The following RBFOX1 variants were observed in gnomAD, a reference collection of about 807,000 sequenced individuals.
RBFOX1 encodes RNA binding protein fox-1 homolog 1.
A neutral mutation model predicts 57.7 loss-of-function variants in RBFOX1; 8 were observed. That is an observed-to-expected ratio of 0.14 (90% confidence interval 0.08 to 0.25). RBFOX1 has a LOEUF of 0.25. RBFOX1 is among the 10% of genes least tolerant of loss of function. The pLI is 1.00. For missense variants in RBFOX1, 611 were observed against 548.5 expected (o/e 1.11, Z -1.14); for synonymous variants, 326 against 222.4 (o/e 1.47, Z -4.15).
intron 3 of RBFOX1, among the ~76,000 whole-genome samples, chr16:5,754,068 C>G (rs2053310610): frequency 1.3e-5 from 2 of 152,146 alleles, no homozygotes; most frequent in Non-Finnish European, 1.5e-5. Context: ...TAATGCAAAA[C>G]TACCTGCATG....
intron 3 of RBFOX1, among the ~76,000 whole-genome samples, chr16:6,767,284 C>T (rs2077470242): frequency 1.3e-5 from 2 of 152,030 alleles, no homozygotes; most frequent in South Asian, 4.2e-4. Context: ...GAGACTCAGT[C>T]TCAGAACACT....
intron 3 of RBFOX1, among the ~76,000 whole-genome samples, chr16:6,884,034 C>G (rs1327402692): frequency 6.6e-6 from 1 of 152,130 alleles, no homozygotes; most frequent in African/African-American, 2.4e-5. Flanking sequence ...GTTCTTCTGA[C>G]AAACTGATCC....
At chr16:5,795,388 C>G (rs1014299237) in intron 3 of RBFOX1, among the ~76,000 whole-genome samples, 2 of 151,888 alleles carry the variant, frequency 1.3e-5, no homozygotes, top group East Asian at 3.9e-4. Flanking sequence ...ATTGCTGTGT[C>G]AATCTTCTGG....
chr16:5,733,820 C>T (rs573360193), intron 3 of RBFOX1, among the ~76,000 whole-genome samples: 43 of 152,036 alleles, frequency 2.8e-4, no homozygotes, highest in African/African-American at 9.9e-4. Context: ...TTCCCATCCG[C>T]GTCCATGCTG....
chr16:7,496,288 A>G (rs890093249), intron 4 of RBFOX1, among the ~76,000 whole-genome samples: 7 of 152,160 alleles, frequency 4.6e-5, no homozygotes, highest in African/African-American at 1.7e-4. Flanking sequence ...AATTACAGGC[A>G]TGTGCCACCA....
intron 3 of RBFOX1, among the ~76,000 whole-genome samples, chr16:6,958,918 A>G (rs2082386239): frequency 6.6e-6 from 1 of 152,154 alleles, no homozygotes; most frequent in Non-Finnish European, 1.5e-5. Context: ...GACAAGGCGT[A>G]TTCTCCATCC....
At chr16:7,650,228 G>A (rs879923790) in intron 11 of RBFOX1, among the ~76,000 whole-genome samples, 3 of 151,678 alleles carry the variant, frequency 2.0e-5, no homozygotes, top group Non-Finnish European at 4.4e-5. Context: ...AGAGACCACT[G>A]AAAATACCAA....
rs1375995054 is a variant in RBFOX1, at chr16:7,386,233, A to C, written c.28-131914A>C. Among the ~76,000 whole-genome samples the C allele has an allele frequency of 2.0e-5, 3 of 152,094 alleles. No individual in the cohort carries two copies. In the East Asian group the frequency reaches 5.8e-4, roughly 29 times the overall value. The stretch of plus-strand genomic sequence containing the variant: ...CTTTCCTTCTCACTAAAGTGCTTGA[A>C]GTACTGGTCCTTTATGATACTTTCA... On this transcript the variant is annotated intron_variant, in intron 4 of 15. Coordinates refer to ENST00000550418, the MANE Select transcript of RBFOX1 (RefSeq NM_018723.4).
chr16:7,549,035 C>G (rs532443846), intron 5 of RBFOX1, among the ~76,000 whole-genome samples: 11 of 152,208 alleles, frequency 7.2e-5, no homozygotes, highest in African/African-American at 2.6e-4. Context: ...AGGAGAGAAA[C>G]AGAGAAGAGG....
intron 3 of RBFOX1, among the ~76,000 whole-genome samples, chr16:6,860,031 A>G (rs1226594803): frequency 2.0e-5 from 3 of 152,178 alleles, no homozygotes; most frequent in South Asian, 2.1e-4. Flanking sequence ...CCACAAGGGT[A>G]CCTGATGGAA....
At chr16:6,537,736 C>A (rs1037609947) in intron 2 of RBFOX1, among the ~76,000 whole-genome samples, 1 of 152,060 alleles carries the variant, frequency 6.6e-6, no homozygotes, top group Non-Finnish European at 1.5e-5. Flanking sequence ...GGTTTTATAG[C>A]AGATAAGAGA....
At chr16:5,839,697 A>G (rs1010212490) in intron 3 of RBFOX1, among the ~76,000 whole-genome samples, 8 of 150,634 alleles carry the variant, frequency 5.3e-5, no homozygotes, top group Non-Finnish European at 3.0e-5. Context: ...CCTCATCCAC[A>G]TATTTGTAGT....
intron 3 of RBFOX1, among the ~76,000 whole-genome samples, chr16:6,717,185 G>A (rs1346249610): frequency 6.6e-6 from 1 of 152,034 alleles, no homozygotes; most frequent in Non-Finnish European, 1.5e-5. Context: ...TTGTGTTACA[G>A]CAACTCGACT....
chr16:7,579,990 T>A, intron 6 of RBFOX1, 70 bp downstream of exon 6: 1 of 1,530,152 alleles, frequency 6.5e-7, no homozygotes, highest in Non-Finnish European at 9.0e-7. Flanking sequence ...CTCATGTAAG[T>A]TTGGGGTATT....
At chr16:6,711,062 G>C (rs937084731) in intron 3 of RBFOX1, among the ~76,000 whole-genome samples, 4 of 152,166 alleles carry the variant, frequency 2.6e-5, no homozygotes, top group African/African-American at 9.7e-5. Context: ...GGATTGCTTA[G>C]GCCAAAACTC....
chr16:7,676,221 C>G (rs1488571018), intron 13 of RBFOX1, among the ~76,000 whole-genome samples: 1 of 152,138 alleles, frequency 6.6e-6, no homozygotes, highest in Admixed American at 6.6e-5. Context: ...AATTGTGTAA[C>G]ATTTAGACAG....
chr16:6,680,548 C>T (rs1015872918), intron 3 of RBFOX1, among the ~76,000 whole-genome samples: 2 of 152,172 alleles, frequency 1.3e-5, no homozygotes, highest in African/African-American at 4.8e-5. Context: ...CAGGCGTAAG[C>T]CACCGCGTCC....
At chr16:7,072,073 G>A (rs2057448033) in intron 4 of RBFOX1, among the ~76,000 whole-genome samples, 1 of 152,106 alleles carries the variant, frequency 6.6e-6, no homozygotes, top group Non-Finnish European at 1.5e-5. Context: ...CCAACTTTCT[G>A]ACCCGTTCTC....
intron 2 of RBFOX1, chr16:5,598,895 T>C (rs2047274675): frequency 1.3e-6 from 2 of 1,497,954 alleles, no homozygotes; most frequent in African/African-American, 1.4e-5. Flanking sequence ...TGTTTGTTTT[T>C]TGCCAGGACT....
Sources: gnomAD v4.1 joint callset for allele counts (sites outside exome capture counted in the v4.1 genomes callset) on GRCh38, gnomAD v4.1.1 for gene constraint, MANE v1.5 for transcripts, NCBI Gene and HGNC (gene_info 2026-07-23, HGNC 2026-07-21) for gene names.